Variants in PLXDC2 observed in about 807,000 individuals in gnomAD.
PLXDC2 encodes the protein plexin domain containing 2, also known as plexin domain-containing protein 2.
In PLXDC2, 40 loss-of-function variants were observed where a neutral mutation model predicts 68.9. The ratio of observed to expected loss-of-function variants is 0.58; its 90% CI spans 0.45 to 0.76. The LOEUF is 0.76. Among genes scored for constraint, PLXDC2 ranks in the 30% least tolerant of loss-of-function variants. The pLI, the probability that PLXDC2 is intolerant of heterozygous loss-of-function variation, is 0.00. For synonymous variants in PLXDC2, 243 were observed against 234.2 expected (o/e 1.04, Z -0.34); for missense variants, 644 against 661.9 (o/e 0.97, Z 0.30).
chr10:19,859,445 A>G (rs567025477), intron 1 of PLXDC2, among the ~76,000 whole-genome samples: 1 of 152,174 alleles, frequency 6.6e-6, no homozygotes, highest in Non-Finnish European at 1.5e-5. Flanking sequence ...TTGGTGCTAC[A>G]TATTATTTTC....
At chr10:20,216,671 C>G (rs1430543261) in intron 10 of PLXDC2, among the ~76,000 whole-genome samples, 5 of 152,174 alleles carry the variant, frequency 3.3e-5, no homozygotes, top group Non-Finnish European at 2.9e-5. Flanking sequence ...AGGGAGTCCA[C>G]TGCGGCACAA....
chr10:20,031,291 G>A (rs78597561), intron 2 of PLXDC2, among the ~76,000 whole-genome samples: 2,668 of 151,894 alleles, frequency 0.018, 75 homozygotes, highest in African/African-American at 0.061. Context: ...AGCCTCCTGA[G>A]CCCATGAGGG....
chr10:20,170,349 C>G (rs1395261613), intron 7 of PLXDC2, among the ~76,000 whole-genome samples: 4 of 152,114 alleles, frequency 2.6e-5, no homozygotes, highest in African/African-American at 4.8e-5. Context: ...TCCACCACGC[C>G]CAGCTAATTT....
At chr10:20,158,330 T>A (rs931945275) in intron 6 of PLXDC2, among the ~76,000 whole-genome samples, 6 of 152,048 alleles carry the variant, frequency 3.9e-5, no homozygotes, top group Non-Finnish European at 8.8e-5. Flanking sequence ...CAATAACATG[T>A]TCATTCTTGT....
chr10:20,189,504 T>TAATATATAC (rs1554773611), intron 9 of PLXDC2, among the ~76,000 whole-genome samples: 1 of 121,594 alleles, frequency 8.2e-6, no homozygotes, highest in Non-Finnish European at 1.7e-5. Context: ...TATATATATA[T>TAATATATAC]ACACATACAC....
chr10:20,205,970 CTA>C (rs1377615529), intron 9 of PLXDC2, among the ~76,000 whole-genome samples: 3 of 151,892 alleles, frequency 2.0e-5, no homozygotes, highest in East Asian at 1.9e-4. Context: ...CATATAATGA[CTA>C]TATTGTATAT....
At chr10:20,235,698 A>T (rs1835423350) in intron 12 of PLXDC2, among the ~76,000 whole-genome samples, 1 of 152,182 alleles carries the variant, frequency 6.6e-6, no homozygotes, top group Non-Finnish European at 1.5e-5. Context: ...CTGTCTTTCT[A>T]CACTGATAAG....
intron 1 of PLXDC2, among the ~76,000 whole-genome samples, chr10:19,823,831 T>TTTTTG (rs553666963): frequency 4.2e-4 from 64 of 151,928 alleles, no homozygotes; most frequent in African/African-American, 1.4e-3. Flanking sequence ...CTCTACAGTT[T>TTTTTG]TTTTGTTTTG....
chr10:19,931,091 G>T (rs749124023), intron 1 of PLXDC2, among the ~76,000 whole-genome samples: 4 of 152,228 alleles, frequency 2.6e-5, no homozygotes, highest in Non-Finnish European at 5.9e-5. Flanking sequence ...TCTGCAACCC[G>T]CAAACACCCA....
At chr10:19,987,719 C>A (rs1046078575) in intron 1 of PLXDC2, among the ~76,000 whole-genome samples, 8 of 151,608 alleles carry the variant, frequency 5.3e-5, no homozygotes, top group Admixed American at 2.6e-4. Flanking sequence ...CCGCCACCAC[C>A]CCCGGCTATT....
intron 9 of PLXDC2, among the ~76,000 whole-genome samples, chr10:20,182,462 A>G (rs1038571656): frequency 6.6e-6 from 1 of 152,020 alleles, no homozygotes; most frequent in East Asian, 1.9e-4. Context: ...TAGCTGAGTG[A>G]GTGAATACAC....
intron 12 of PLXDC2, among the ~76,000 whole-genome samples, chr10:20,242,243 A>G (rs1245499485): frequency 1.3e-5 from 2 of 152,228 alleles, no homozygotes; most frequent in East Asian, 3.8e-4. Flanking sequence ...CAAAGTTTTA[A>G]AAGCAACACA....
intron 12 of PLXDC2, among the ~76,000 whole-genome samples, chr10:20,238,739 A>G (rs913149866): frequency 1.1e-4 from 12 of 108,140 alleles, no homozygotes; most frequent in East Asian, 4.6e-4. Context: ...ACATATATAT[A>G]TGTGTGTATA....
chr10:19,979,098 T>G (rs895548410), intron 1 of PLXDC2, among the ~76,000 whole-genome samples: 6 of 152,196 alleles, frequency 3.9e-5, no homozygotes, highest in Admixed American at 1.3e-4. Context: ...TCTTTAGCCT[T>G]AAAATATATT....
intron 5 of PLXDC2, among the ~76,000 whole-genome samples, chr10:20,144,337 G>A (rs947445144): frequency 6.6e-6 from 1 of 152,098 alleles, no homozygotes; most frequent in Non-Finnish European, 1.5e-5. Flanking sequence ...AGACTTGATG[G>A]TAGCTGTAGC....
At chr10:19,855,904 T>C (rs1837202607) in intron 1 of PLXDC2, among the ~76,000 whole-genome samples, 1 of 152,038 alleles carries the variant, frequency 6.6e-6, no homozygotes, top group Admixed American at 6.5e-5. Flanking sequence ...GCTAACATGG[T>C]GAAATCCCAT....
intron 13 of PLXDC2, among the ~76,000 whole-genome samples, chr10:20,273,943 G>T (rs550463203): frequency 1.3e-5 from 2 of 152,046 alleles, no homozygotes; most frequent in East Asian, 1.9e-4. Flanking sequence ...GGAGGCTGAG[G>T]GGGGAAGATC....
chr10:19,852,829 AATT>A (rs1160268972), intron 1 of PLXDC2, among the ~76,000 whole-genome samples: 5 of 152,330 alleles, frequency 3.3e-5, no homozygotes, highest in African/African-American at 1.2e-4. Context: ...ACCACAAGTC[AATT>A]ATTAAGTAAA....
intron 9 of PLXDC2, among the ~76,000 whole-genome samples, chr10:20,207,272 C>T (rs1042393654): frequency 1.3e-5 from 2 of 152,068 alleles, no homozygotes; most frequent in Non-Finnish European, 2.9e-5. Context: ...CTTAATTTCA[C>T]ACAACATAAT....
Sources: allele counts gnomAD v4.1 joint callset (sites outside exome capture counted in the v4.1 genomes callset), GRCh38; gene constraint gnomAD v4.1.1; transcripts MANE v1.5; gene names NCBI Gene and HGNC (gene_info 2026-07-23, HGNC 2026-07-21).